NCOA1: variants seen among roughly 807,000 people sequenced by gnomAD.
NCOA1 encodes the protein nuclear receptor coactivator 1.
A neutral mutation model predicts 150.9 loss-of-function variants in NCOA1; 35 were observed. The observed-to-expected ratio is 0.23, with a 90% CI of 0.18 to 0.31. The LOEUF is 0.31. NCOA1 is among the 10% of genes least tolerant of loss of function. The pLI, the probability that NCOA1 is intolerant of heterozygous loss-of-function variation, is 1.00. For missense variants in NCOA1, 1,491 were observed against 1,749.3 expected (o/e 0.85, Z 2.63); for synonymous variants, 590 against 630.0 (o/e 0.94, Z 0.95).
chr2:24,737,939 T>C (rs1663407356), intron 17 of NCOA1, among the ~76,000 whole-genome samples: 1 of 152,214 alleles, frequency 6.6e-6, no homozygotes, highest in Non-Finnish European at 1.5e-5. Flanking sequence ...TTCCTGGTCT[T>C]TCAAGTTTAA....
intron 4 of NCOA1, among the ~76,000 whole-genome samples, chr2:24,649,594 C>T (rs17046434): frequency 0.096 from 14,586 of 152,140 alleles, 851 homozygotes; most frequent in East Asian, 0.2. Flanking sequence ...ATGCTATTTT[C>T]CCTCAGTCGT....
intron 1 of NCOA1, among the ~76,000 whole-genome samples, chr2:24,561,156 TTTG>T (rs1666278326): frequency 6.6e-6 from 1 of 152,138 alleles, no homozygotes; most frequent in Non-Finnish European, 1.5e-5. Context: ...TAAGACTGTA[TTTG>T]TAGGTAAATG....
intron 1 of NCOA1, among the ~76,000 whole-genome samples, chr2:24,505,259 T>C (rs181932587): frequency 0.015 from 2,308 of 151,966 alleles, 35 homozygotes; most frequent in Non-Finnish European, 0.022. Flanking sequence ...CAATCTCGGC[T>C]CACCGCAACC....
At chr2:24,519,652 C>G (rs953535483) in intron 1 of NCOA1, among the ~76,000 whole-genome samples, 8 of 72,308 alleles carry the variant, frequency 1.1e-4, no homozygotes, top group Admixed American at 1.7e-4. Context: ...CCTGTCTCTA[C>G]AAAAAAAAAA....
rs183721041 is a variant in NCOA1 at position 24,711,646 on chromosome 2, A to G, written c.2599+535A>G. On this transcript the variant is annotated intron_variant, in intron 14 of 22. Transcript: ENST00000348332. ...TATGGAATTTCTTTTCTCAAGTAAT[A>G]CATGTTATACCACAGAATGAGTTTT... Among the ~76,000 whole-genome samples, 14 of 152,360 alleles carry G rather than the reference A, an allele frequency of 9.2e-5. No homozygotes were observed. The East Asian group carries it at 2.3e-3, about 25-fold the overall frequency.
intron 3 of NCOA1, among the ~76,000 whole-genome samples, chr2:24,611,062 A>G (rs1668599708): frequency 6.6e-6 from 1 of 152,104 alleles, no homozygotes; most frequent in Non-Finnish European, 1.5e-5. Flanking sequence ...CCAGGTAGTG[A>G]GCATAGTACC....
At chr2:24,665,419 G>A (rs1671376702) in intron 5 of NCOA1, among the ~76,000 whole-genome samples, 1 of 151,986 alleles carries the variant, frequency 6.6e-6, no homozygotes, top group African/African-American at 2.4e-5. Context: ...ATATAAAGTA[G>A]TTCCAAATGT....
chr2:24,648,011 C>G (rs562464505), intron 4 of NCOA1, among the ~76,000 whole-genome samples: 1 of 152,176 alleles, frequency 6.6e-6, no homozygotes, highest in Non-Finnish European at 1.5e-5. Context: ...TTGAGTTTCA[C>G]TTGTTCCAAG....
At chr2:24,757,622 A>C (rs1259426618) in intron 20 of NCOA1, among the ~76,000 whole-genome samples, 3 of 152,138 alleles carry the variant, frequency 2.0e-5, no homozygotes, top group Admixed American at 6.5e-5. Context: ...TATATATGCC[A>C]GACACTTTGC....
chr2:24,542,393 T>C (rs1000955086), intron 1 of NCOA1, among the ~76,000 whole-genome samples: 9 of 152,222 alleles, frequency 5.9e-5, no homozygotes, highest in African/African-American at 2.2e-4. Flanking sequence ...TCCAGTCTTC[T>C]ATTTAATGAA....
intron 5 of NCOA1, 115 bp downstream of exon 5, chr2:24,658,881 T>TGAAAG: frequency 1.1e-6 from 1 of 879,912 alleles, no homozygotes; most frequent in Non-Finnish European, 1.8e-6. Flanking sequence ...GAGTCTTTCA[T>TGAAAG]ACTCACCATG....
At chr2:24,555,082 G>A (rs1213258888) in intron 1 of NCOA1, among the ~76,000 whole-genome samples, 1 of 152,082 alleles carries the variant, frequency 6.6e-6, no homozygotes, top group African/African-American at 2.4e-5. Flanking sequence ...AAAAAGAAAG[G>A]AAAACAGCTC....
chr2:24,528,484 C>A (rs192910839), intron 1 of NCOA1, among the ~76,000 whole-genome samples: 37 of 151,656 alleles, frequency 2.4e-4, no homozygotes, highest in African/African-American at 8.7e-4. Context: ...GTAGCTGGGA[C>A]CACAGGTGCG....
intron 3 of NCOA1, among the ~76,000 whole-genome samples, chr2:24,638,769 A>G (rs780280654): frequency 2.0e-5 from 3 of 152,004 alleles, no homozygotes; most frequent in Non-Finnish European, 4.4e-5. Context: ...GTTTCCATAT[A>G]TTTGTATGAC....
chr2:24,545,001 C>G (rs1245160685), intron 1 of NCOA1, among the ~76,000 whole-genome samples: 1 of 152,014 alleles, frequency 6.6e-6, no homozygotes, highest in Admixed American at 6.5e-5. Context: ...ACACATTTAC[C>G]TTAATATTGA....
intron 6 of NCOA1, among the ~76,000 whole-genome samples, chr2:24,668,415 CAA>C (rs1671530297): frequency 1.3e-5 from 2 of 151,652 alleles, no homozygotes; most frequent in African/African-American, 2.4e-5. Context: ...GGGAGATAAA[CAA>C]GAGAGAAGAA....
chr2:24,602,177 T>G (rs1668152543), intron 3 of NCOA1, among the ~76,000 whole-genome samples: 1 of 152,136 alleles, frequency 6.6e-6, no homozygotes, highest in African/African-American at 2.4e-5. Context: ...TAGCAACAAG[T>G]AATTGGATTG....
intron 3 of NCOA1, among the ~76,000 whole-genome samples, chr2:24,642,419 G>A (rs1670275737): frequency 6.6e-6 from 1 of 151,716 alleles, no homozygotes; most frequent in Non-Finnish European, 1.5e-5. Context: ...ATCTTGTGGT[G>A]TGTTACTGTT....
chr2:24,648,282 T>C (rs533861930), intron 4 of NCOA1, among the ~76,000 whole-genome samples: 2 of 152,134 alleles, frequency 1.3e-5, no homozygotes, highest in African/African-American at 4.8e-5. Context: ...TATTGTGATT[T>C]TTTTTTTTTG....
Sources: gnomAD v4.1 joint callset for allele counts (sites outside exome capture counted in the v4.1 genomes callset) on GRCh38, gnomAD v4.1.1 for gene constraint, MANE v1.5 for transcripts, NCBI Gene and HGNC (gene_info 2026-07-23, HGNC 2026-07-21) for gene names.